TECRL: variants seen among roughly 807,000 people sequenced by gnomAD.
TECRL encodes trans-2,3-enoyl-CoA reductase-like.
TECRL carries 63 observed loss-of-function variants against 52.8 expected under a neutral mutation model. The observed-to-expected ratio is 1.19, with a 90% CI of 0.97 to 1.47. TECRL has a LOEUF of 1.47. Among genes scored for constraint, TECRL ranks in the 40% most tolerant of loss-of-function variants. The pLI, the probability that TECRL is intolerant of heterozygous loss-of-function variation, is 0.00. For missense variants in TECRL, 482 were observed against 429.6 expected, an observed-to-expected ratio of 1.12 and a Z score of -1.08; for synonymous variants, 164 against 141.9, an observed-to-expected ratio of 1.16 and a Z score of -1.10.
At chr4:64,381,264 A>G (rs1722772232) in intron 1 of TECRL, among the ~76,000 whole-genome samples, 1 of 151,784 alleles carries the variant, frequency 6.6e-6, no homozygotes, top group Non-Finnish European at 1.5e-5. Flanking sequence ...TACTGAATTT[A>G]TTTATCAGTT....
chr4:64,285,787 T>A (rs1011960717), intron 9 of TECRL, among the ~76,000 whole-genome samples: 1 of 152,062 alleles, frequency 6.6e-6, no homozygotes, highest in Non-Finnish European at 1.5e-5. Context: ...TGGAAGACAT[T>A]GTTTCCAAGA....
intron 2 of TECRL, among the ~76,000 whole-genome samples, chr4:64,353,697 A>T (rs1315732095): frequency 1.3e-5 from 2 of 152,190 alleles, no homozygotes; most frequent in Admixed American, 6.5e-5. Context: ...AGATTAATGT[A>T]CAGTGGAAAG....
chr4:64,372,809 C>T (rs1330213855), intron 2 of TECRL, among the ~76,000 whole-genome samples: 2 of 151,214 alleles, frequency 1.3e-5, no homozygotes, highest in Non-Finnish European at 1.5e-5. Context: ...CAAACAATGT[C>T]AGAAATGTCA....
intron 2 of TECRL, among the ~76,000 whole-genome samples, chr4:64,352,992 TACA>T (rs2109580466): frequency 6.6e-6 from 1 of 152,330 alleles, no homozygotes; most frequent in Admixed American, 6.5e-5. Flanking sequence ...TAGCTTGGAT[TACA>T]GGCACAAGCC....
chr4:64,292,934 A>C (rs867566795), intron 8 of TECRL, among the ~76,000 whole-genome samples: 11 of 152,106 alleles, frequency 7.2e-5, no homozygotes, highest in Admixed American at 3.3e-4. Context: ...GATGTTTGAT[A>C]AATAAAAAAA....
chr4:64,366,157 G>A (rs1399901011), intron 2 of TECRL, among the ~76,000 whole-genome samples: 5 of 152,030 alleles, frequency 3.3e-5, no homozygotes, highest in Non-Finnish European at 5.9e-5. Flanking sequence ...TTCAATAAAC[G>A]GCACATGGAT....
chr4:64,332,521 A>G (rs1188986697), intron 2 of TECRL, among the ~76,000 whole-genome samples: 1 of 152,204 alleles, frequency 6.6e-6, no homozygotes, highest in Non-Finnish European at 1.5e-5. Context: ...AGAATGCTAG[A>G]AGACAAGACA....
At chr4:64,297,945 C>A (rs1411661673) in intron 8 of TECRL, among the ~76,000 whole-genome samples, 2 of 150,994 alleles carry the variant, frequency 1.3e-5, no homozygotes, top group Non-Finnish European at 3.0e-5. Context: ...TTTCTTATGA[C>A]AATTTATGTG....
At chr4:64,276,536 T>C (rs1053028779), downstream of TECRL, 2 of 151,980 alleles carry the variant, frequency 1.3e-5, no homozygotes, top group Middle Eastern at 3.4e-3. Flanking sequence ...TGTCATATTT[T>C]ATTTATTTTA....
intron 2 of TECRL, among the ~76,000 whole-genome samples, chr4:64,374,920 A>C (rs180974489): frequency 5.9e-4 from 90 of 152,224 alleles, no homozygotes; most frequent in African/African-American, 2.1e-3. Flanking sequence ...TGTTATAATA[A>C]AATTAAGTTT....
intron 5 of TECRL, 92 bp from the exon 6 acceptor site, chr4:64,310,023 T>G (rs1053228916): frequency 1.5e-6 from 1 of 667,174 alleles, no homozygotes; most frequent in Non-Finnish European, 2.5e-6. Flanking sequence ...TAGTTTAATA[T>G]GCTAGCTATT....
At position 64,320,658 on chromosome 4, in the gene TECRL, A is replaced by T. The variant is rs536542996; in HGVS notation, c.435+2031T>A. Reference sequence around the variant, plus strand: ...TGAAGCTGAAATTTCTAATGATTTAATGGTTTAATGCTGCTCACCCTGACA... The same window carrying T: ...TGAAGCTGAAATTTCTAATGATTTATTGGTTTAATGCTGCTCACCCTGACA... On this transcript the variant is annotated intron_variant, in intron 4 of 11. Coordinates refer to ENST00000381210, the MANE Select transcript of TECRL (RefSeq NM_001010874.5). 5.3e-5 allele frequency among the ~76,000 whole-genome samples: 8 copies of T among 152,164 alleles called. No individual in the cohort carries two copies. In the East Asian group the frequency reaches 1.3e-3, roughly 26 times the overall value.
chr4:64,339,192 C>A (rs1434336195), intron 2 of TECRL, among the ~76,000 whole-genome samples: 2 of 148,864 alleles, frequency 1.3e-5, no homozygotes, highest in Non-Finnish European at 3.0e-5. Flanking sequence ...GGCAAAAAAC[C>A]AAACACCACA....
intron 3 of TECRL, among the ~76,000 whole-genome samples, chr4:64,325,529 G>C (rs1718203940): frequency 1.3e-5 from 2 of 152,018 alleles, no homozygotes; most frequent in Non-Finnish European, 2.9e-5. Flanking sequence ...TCTAATAAAT[G>C]ATAGTTTTTT....
chr4:64,368,343 T>C (rs1181819785), intron 2 of TECRL, among the ~76,000 whole-genome samples: 1 of 152,142 alleles, frequency 6.6e-6, no homozygotes, highest in Non-Finnish European at 1.5e-5. Context: ...TCGCCCAGGC[T>C]GGAGTGCAAT....
At chr4:64,370,975 A>G (rs1204049359) in intron 2 of TECRL, among the ~76,000 whole-genome samples, 2 of 151,758 alleles carry the variant, frequency 1.3e-5, no homozygotes, top group Non-Finnish European at 3.0e-5. Context: ...TGCTGCATGA[A>G]AATTGAACCT....
At chr4:64,371,644 T>C (rs1415657920) in intron 2 of TECRL, among the ~76,000 whole-genome samples, 2 of 151,802 alleles carry the variant, frequency 1.3e-5, no homozygotes, top group Non-Finnish European at 3.0e-5. Context: ...ACCCAGACTA[T>C]AGGAATTTTT....
intron 9 of TECRL, among the ~76,000 whole-genome samples, chr4:64,282,076 G>T (rs1722857168): frequency 6.6e-6 from 1 of 151,744 alleles, no homozygotes; most frequent in Non-Finnish European, 1.5e-5. Context: ...CTAATAAAAG[G>T]ATTACACTGA....
chr4:64,373,182 T>TG (rs1722105217), intron 2 of TECRL, among the ~76,000 whole-genome samples: 1 of 151,646 alleles, frequency 6.6e-6, no homozygotes, highest in Non-Finnish European at 1.5e-5. Flanking sequence ...CTATGATATA[T>TG]GGGAAAATGC....
Sources: gnomAD v4.1 joint callset for allele counts (sites outside exome capture counted in the v4.1 genomes callset) on GRCh38, gnomAD v4.1.1 for gene constraint, MANE v1.5 for transcripts, NCBI Gene and HGNC (gene_info 2026-07-23, HGNC 2026-07-21) for gene names.